The following ANKRD36C variants were observed in gnomAD, a reference collection of about 807,000 sequenced individuals.
The protein encoded by ANKRD36C is ankyrin repeat domain-containing protein 36C.
A neutral mutation model predicts 276.4 loss-of-function variants in ANKRD36C; 61 were observed. The ratio of observed to expected loss-of-function variants is 0.22; its 90% CI spans 0.18 to 0.27. ANKRD36C has a LOEUF of 0.27. Ranked by LOEUF, ANKRD36C falls within the 10% of genes least tolerant of loss-of-function variation. The pLI is 1.00. For missense variants in ANKRD36C, 1,447 were observed against 2,032.3 expected (o/e 0.71, Z 5.54); for synonymous variants, 483 against 680.1 (o/e 0.71, Z 4.51).
At chr2:95,898,500 A>AGT (rs1233017480) in intron 44 of ANKRD36C, among the ~76,000 whole-genome samples, 2 of 108,356 alleles carry the variant, frequency 1.8e-5, no homozygotes, top group African/African-American at 6.5e-5. Flanking sequence ...GTAATGAGTC[A>AGT]GTGTGTGTGT....
intron 48 of ANKRD36C, among the ~76,000 whole-genome samples, chr2:95,889,387 T>C (rs543072094): frequency 1.3e-5 from 2 of 151,746 alleles, no homozygotes; most frequent in South Asian, 4.1e-4. Context: ...TTGTTACTTC[T>C]CATTCTACAG....
At chr2:95,933,251 T>G (rs1677618156) in intron 24 of ANKRD36C, among the ~76,000 whole-genome samples, 1 of 152,304 alleles carries the variant, frequency 6.6e-6, no homozygotes, top group Admixed American at 6.5e-5. Context: ...TGCTTACAAT[T>G]GTCTCGGCTA....
intron 19 of ANKRD36C, among the ~76,000 whole-genome samples, chr2:95,942,075 T>G (rs375175163): frequency 6.6e-6 from 1 of 152,284 alleles, no homozygotes; most frequent in Non-Finnish European, 1.5e-5. Flanking sequence ...GGAAGGCAGT[T>G]TGAGACCTGT....
intron 36 of ANKRD36C, among the ~76,000 whole-genome samples, chr2:95,916,722 C>T (rs896980560): frequency 4.6e-5 from 7 of 151,636 alleles, no homozygotes; most frequent in Admixed American, 4.6e-4. Context: ...TTGCTGATAC[C>T]TAGTAGATAA....
At chr2:95,988,735 G>C (rs2918824) in intron 1 of ANKRD36C, among the ~76,000 whole-genome samples, 3 of 152,208 alleles carry the variant, frequency 2.0e-5, no homozygotes, top group South Asian at 2.1e-4. Context: ...AAAATTGTTT[G>C]CTTATATGTA....
At chr2:95,925,522 C>G in exon 29 of ANKRD36C, 1 of 1,550,332 alleles carries the variant, frequency 6.5e-7, no homozygotes, top group African/African-American at 1.4e-5. Flanking sequence ...TAACTACCTT[C>G]CAGGCTGATT....
Position 95,910,453 on chromosome 2 carries a change from G to A in ANKRD36C, c.2653+1791C>T. Reference sequence around the variant, plus strand: ...TTCCTCGTCACTTGTAGCCTGAATAGAATTTGAAACGAAATAATAAATAAA... The same window carrying A: ...TTCCTCGTCACTTGTAGCCTGAATAAAATTTGAAACGAAATAATAAATAAA... On this transcript the variant is annotated intron_variant, in intron 42 of 66. Transcript: ENST00000456556. The A allele has an allele frequency of 6.3e-7, 1 of 1,575,866 alleles. No homozygotes were observed.
downstream of ANKRD36C, among the ~76,000 whole-genome samples, chr2:95,850,974 A>G (rs993331888): frequency 6.6e-6 from 1 of 152,234 alleles, no homozygotes; most frequent in Non-Finnish European, 1.5e-5. Flanking sequence ...AACATGATGA[A>G]TTAACAAAGC....
At chr2:95,973,854 T>G (rs1253258792) in intron 6 of ANKRD36C, among the ~76,000 whole-genome samples, 1 of 151,902 alleles carries the variant, frequency 6.6e-6, no homozygotes, top group Admixed American at 6.6e-5. Context: ...CTGGCCTGGG[T>G]AAGAGAGAGA....
exon 58 of ANKRD36C, chr2:95,880,441 T>C: frequency 3.2e-6 from 5 of 1,555,138 alleles, no homozygotes; most frequent in Non-Finnish European, 3.5e-6. Flanking sequence ...TGTGGATGTT[T>C]GTACATCTTT....
At chr2:95,851,066 A>AT, downstream of ANKRD36C, 1 of 687,282 alleles carries the variant, frequency 1.5e-6, no homozygotes, top group South Asian at 1.6e-5. Flanking sequence ...TTAATGTAGC[A>AT]TTTATTAACC....
At chr2:95,910,675 G>T (rs527504628) in intron 42 of ANKRD36C, 107 bp from the exon 45 acceptor site, 6 of 1,564,972 alleles carry the variant, frequency 3.8e-6, no homozygotes, top group Non-Finnish European at 5.2e-6. Flanking sequence ...CTGTATTAGC[G>T]CAGGCTTTGA....
intron 26 of ANKRD36C, 80 bp downstream of exon 26, chr2:95,928,992 T>A (rs1677487863): frequency 2.5e-6 from 4 of 1,587,116 alleles, no homozygotes; most frequent in South Asian, 1.1e-5. Context: ...TTAGACGAAC[T>A]CCCCACTGAT....
chr2:95,871,011 C>T (rs1675797690), intron 59 of ANKRD36C, among the ~76,000 whole-genome samples: 1 of 152,066 alleles, frequency 6.6e-6, no homozygotes, highest in African/African-American at 2.4e-5. Flanking sequence ...AAATATGGGA[C>T]TAAGTGAAAA....
chr2:95,942,433 G>A (rs1178910707), intron 19 of ANKRD36C, among the ~76,000 whole-genome samples: 114 of 133,486 alleles, frequency 8.5e-4, no homozygotes, highest in South Asian at 1.7e-3. Flanking sequence ...AATAATTCAA[G>A]GTATCCTAAG....
intron 36 of ANKRD36C, among the ~76,000 whole-genome samples, chr2:95,916,855 G>A (rs867968440): frequency 5.3e-5 from 8 of 151,606 alleles, no homozygotes; most frequent in South Asian, 4.1e-4. Flanking sequence ...TTTTAGACTC[G>A]ATAAAAATAT....
rs1340582653 is a variant in ANKRD36C at position 95,897,450 on chromosome 2, G to A, written c.2755+1695C>T. ...CAGTTTCATTACCTTCAAGCCTGGTGGTTGCTCAGAAGACACTGAAAAGTA... is the reference window on the plus strand; with the variant it reads ...CAGTTTCATTACCTTCAAGCCTGGTAGTTGCTCAGAAGACACTGAAAAGTA... On this transcript the variant is annotated intron_variant, in intron 44 of 66. Transcript: ENST00000456556. 3.9e-6 allele frequency: 6 copies of A among 1,535,150 alleles called. No individual in the cohort carries two copies. In the South Asian group the frequency reaches 7.1e-5, roughly 18 times the overall value.
chr2:95,923,681 G>C, exon 31 of ANKRD36C: 2 of 1,610,516 alleles, frequency 1.2e-6, no homozygotes, highest in Non-Finnish European at 1.7e-6. Flanking sequence ...GGTTGTTTCT[G>C]AGAAGACACT....
intron 4 of ANKRD36C, among the ~76,000 whole-genome samples, chr2:95,981,556 G>T (rs1037987180): frequency 6.7e-6 from 1 of 149,288 alleles, no homozygotes; most frequent in Non-Finnish European, 1.5e-5. Flanking sequence ...TATATGCTCA[G>T]CCATTGTTTC....
Sources: gnomAD v4.1 joint callset for allele counts (sites outside exome capture counted in the v4.1 genomes callset) on GRCh38, gnomAD v4.1.1 for gene constraint, MANE v1.5 for transcripts, NCBI Gene and HGNC (gene_info 2026-07-23, HGNC 2026-07-21) for gene names.